The following MUSK variants were observed in gnomAD, a reference collection of about 807,000 sequenced individuals.
MUSK encodes the protein muscle, skeletal receptor tyrosine-protein kinase.
In MUSK, 55 loss-of-function variants were observed where a neutral mutation model predicts 88.7. That is an observed-to-expected ratio of 0.62 (90% CI 0.50 to 0.78). MUSK has a LOEUF of 0.78. MUSK is among the 30% of genes least tolerant of loss of function. The pLI is 0.00. For synonymous variants in MUSK, 387 were observed against 391.9 expected (o/e 0.99, Z 0.15); for missense variants, 1,015 against 1,074.3 (o/e 0.94, Z 0.77).
chr9:110,800,558 C>A lies in MUSK; in HGVS notation c.2180C>A (p.Ala727Asp). The A allele has an allele frequency of 1.2e-6, 2 of 1,613,876 alleles. No homozygotes were observed. The highest frequency in any genetic ancestry group is 1.7e-6 in the Non-Finnish European group (2 of 1,179,870). Residue 727 changes from alanine (A) to aspartate (D), a missense_variant, in exon 15 of 15, where the codon GCC (alanine) becomes GAC (aspartate). Physicochemically the swap from Ala to Asp is moderately radical, Grantham distance 126 (BLOSUM62 -2). Transcript: ENST00000374448. ...CGTAAGTTTGTTCACCGAGATTTAG[C>A]CACCAGGAACTGCCTGGTGGGCGAG... ...SERKFVHRDL[A>D]TRNCLVGENM...
rs758186046 is a variant in MUSK, at chr9:110,800,292, T to C, written c.1928-14T>C. ...TAGAAACTGAGACTAACAGGGATGG[T>C]CTTTTGGTTCCAGGAGTGTGTGCTG... is the stretch of plus-strand genomic sequence containing the variant. On this transcript the variant is annotated splice_polypyrimidine_tract_variant and intron_variant, in intron 14 of 14. Coordinates refer to ENST00000374448, the MANE Select transcript of MUSK (RefSeq NM_005592.4). The C allele has an allele frequency of 4.4e-6, 7 of 1,589,568 alleles. No individual in the cohort carries two copies. In the East Asian group the frequency reaches 1.3e-4, roughly 31 times the overall value.
intron 8 of MUSK, among the ~76,000 whole-genome samples, chr9:110,764,827 T>C (rs996425976): frequency 6.6e-6 from 1 of 152,298 alleles, no homozygotes; most frequent in African/African-American, 2.4e-5. Context: ...TATAAGCTAG[T>C]GGTCATCAAG....
Position 110,688,946 on chromosome 9 carries a change from ATATT to A in MUSK, c.358+1681_358+1684del, listed in dbSNP as rs1365984946. ...TTTATATATAAATATATGTAAACAT[ATATT>A]TAAATATAAATACATACATATATTT... On this transcript the variant is annotated intron_variant, in intron 3 of 14. Coordinates refer to ENST00000374448, the MANE Select transcript of MUSK (RefSeq NM_005592.4). 3.4e-5 allele frequency among the ~76,000 whole-genome samples: 5 copies of A among 145,924 alleles called. No homozygotes were observed. In the South Asian group the frequency reaches 8.4e-4, roughly 25 times the overall value.
chr9:110,781,383 C>T (rs560657910), intron 11 of MUSK, among the ~76,000 whole-genome samples: 431 of 152,018 alleles, frequency 2.8e-3, no homozygotes, highest in Non-Finnish European at 4.9e-3. Flanking sequence ...TTCACGCCAT[C>T]CTCTTGCCTC....
At chr9:110,775,719 A>T in intron 9 of MUSK, 69 bp from the exon 10 acceptor site, 5 of 1,416,232 alleles carry the variant, frequency 3.5e-6, no homozygotes, top group Non-Finnish European at 5.0e-6. Flanking sequence ...CACAGAATTT[A>T]GGCTCTGCCA....
chr9:110,734,327 A>G lies in MUSK; in HGVS notation c.705A>G (p.Ala235=). The change falls in exon 6 of 15, where the codon GCA becomes GCG. Residue 235 remains alanine (A), a synonymous_variant. Coordinates refer to ENST00000374448, the MANE Select transcript of MUSK (RefSeq NM_005592.4). ...FGSFVTLHCT[A]TGIPVPTITW... The stretch of plus-strand genomic sequence containing the variant: ...CCTTTGTGACCCTGCACTGTACAGC[A>G]ACAGGCATTCCTGTCCCCACCATCA... 1 of 1,613,268 alleles carries G rather than the reference A, an allele frequency of 6.2e-7. No individual in the cohort carries two copies. Among genetic ancestry groups the G allele is most frequent in the Non-Finnish European group, 8.5e-7 (1 of 1,179,466 alleles).
chr9:110,788,561 G>T (rs2077914053), intron 14 of MUSK, among the ~76,000 whole-genome samples: 1 of 151,618 alleles, frequency 6.6e-6, no homozygotes, highest in South Asian at 2.1e-4. Flanking sequence ...ACACCGGGGG[G>T]GCAGAGGTTG....
At chr9:110,764,836 A>C (rs2131943500) in intron 8 of MUSK, among the ~76,000 whole-genome samples, 1 of 152,284 alleles carries the variant, frequency 6.6e-6, no homozygotes, top group Admixed American at 6.5e-5. Flanking sequence ...GTGGTCATCA[A>C]GCTGTTAGGA....
chr9:110,773,327 A>G (rs772747421), intron 9 of MUSK, among the ~76,000 whole-genome samples: 1 of 152,100 alleles, frequency 6.6e-6, no homozygotes, highest in Non-Finnish European at 1.5e-5. Context: ...AAGTTAGCAT[A>G]ATTGTACTGA....
chr9:110,682,902 C>A, intron 2 of MUSK, 102 bp downstream of exon 2: 3 of 795,088 alleles, frequency 3.8e-6, no homozygotes, highest in Non-Finnish European at 5.6e-6. Flanking sequence ...TTGATACAGG[C>A]ATGCAATGTA....
chr9:110,701,923 T>TATTTCATTTCATTTCATTTCATTTC (rs1321358016), intron 5 of MUSK, among the ~76,000 whole-genome samples: 1 of 140,222 alleles, frequency 7.1e-6, no homozygotes, highest in South Asian at 2.2e-4. Context: ...TATTTTATTT[T>TATTTCATTTCATTTCATTTCATTTC]ATTTCATAGA....
At chr9:110,759,620 C>T (rs1429106282) in intron 7 of MUSK, among the ~76,000 whole-genome samples, 4 of 151,846 alleles carry the variant, frequency 2.6e-5, no homozygotes, top group African/African-American at 9.7e-5. Flanking sequence ...ATTATACATA[C>T]AAGGAAAAAA....
In MUSK at chr9:110,742,199, G is replaced by A. The variant is rs182463971; in HGVS notation, c.754-5442G>A. ...GGGCCGGGTGCGGTGACTCACTCCT[G>A]TAATCCCAGCACTTTTGGAGGCCAA... On this transcript the variant is annotated intron_variant, in intron 6 of 14. Coordinates refer to ENST00000374448, the MANE Select transcript of MUSK (RefSeq NM_005592.4). 6.8e-3 allele frequency among the ~76,000 whole-genome samples: 1,036 copies of A among 152,262 alleles called. 9 individuals are homozygous for A. The highest frequency in any genetic ancestry group is 9.8e-3 in the Non-Finnish European group (670 of 68,032).
At chr9:110,718,073 G>A (rs1297479349) in intron 5 of MUSK, among the ~76,000 whole-genome samples, 2 of 152,110 alleles carry the variant, frequency 1.3e-5, no homozygotes, top group Non-Finnish European at 2.9e-5. Context: ...CTGAAAGCTT[G>A]AATGGGCTGA....
intron 5 of MUSK, among the ~76,000 whole-genome samples, chr9:110,711,644 A>G (rs2076672520): frequency 6.6e-6 from 1 of 152,196 alleles, no homozygotes; most frequent in Non-Finnish European, 1.5e-5. Context: ...GAGATTTCTT[A>G]TAGAGACCTC....
At chr9:110,711,180 C>A (rs2076665212) in intron 5 of MUSK, among the ~76,000 whole-genome samples, 2 of 152,014 alleles carry the variant, frequency 1.3e-5, no homozygotes, top group Non-Finnish European at 2.9e-5. Flanking sequence ...TGCAGCACAC[C>A]AACATGGCAC....
At chr9:110,669,128 A>C in intron 1 of MUSK, 145 bp downstream of exon 1, 1 of 757,584 alleles carries the variant, frequency 1.3e-6, no homozygotes, top group Non-Finnish European at 2.4e-6. Context: ...TGAGGGAGGA[A>C]ATTATATACA....
At chr9:110,761,146 C>T (rs1216534449) in intron 7 of MUSK, among the ~76,000 whole-genome samples, 4 of 152,142 alleles carry the variant, frequency 2.6e-5, no homozygotes, top group Admixed American at 6.5e-5. Context: ...TTCAGAAATG[C>T]TGGTTATATC....
At chr9:110,700,769 G>A (rs975167172) in intron 5 of MUSK, among the ~76,000 whole-genome samples, 2 of 152,162 alleles carry the variant, frequency 1.3e-5, no homozygotes, top group African/African-American at 2.4e-5. Flanking sequence ...TGGGGGCCAA[G>A]TAGAATGATA....
Sources: allele counts gnomAD v4.1 joint callset (sites outside exome capture counted in the v4.1 genomes callset), GRCh38; gene constraint gnomAD v4.1.1; transcripts MANE v1.5; gene names NCBI Gene and HGNC (gene_info 2026-07-23, HGNC 2026-07-21).